Variants in RTN4IP1 observed in about 807,000 individuals in gnomAD.
The protein encoded by RTN4IP1 is NAD(P)H oxidoreductase RTN4IP1, mitochondrial.
A neutral mutation model predicts 46.6 loss-of-function variants in RTN4IP1; 32 were observed. The ratio of observed to expected loss-of-function variants is 0.69; its 90% confidence interval spans 0.52 to 0.92. The LOEUF is 0.92. Among genes scored for constraint, RTN4IP1 ranks in the 40% least tolerant of loss-of-function variants. RTN4IP1 has a pLI of 0.00. For synonymous variants in RTN4IP1, 167 were observed against 161.8 expected, an observed-to-expected ratio of 1.03 and a Z score of -0.24; for missense variants, 424 against 485.8, an observed-to-expected ratio of 0.87 and a Z score of 1.20.
intron 3 of RTN4IP1, among the ~76,000 whole-genome samples, chr6:106,619,854 G>A (rs1042613981): frequency 5.9e-5 from 9 of 151,566 alleles, no homozygotes; most frequent in Admixed American, 1.3e-4. Context: ...CTCGTGATCC[G>A]CCCGCCTCGG....
intron 8 of RTN4IP1, among the ~76,000 whole-genome samples, chr6:106,574,812 T>C (rs980170422): frequency 6.6e-6 from 1 of 152,190 alleles, no homozygotes; most frequent in Non-Finnish European, 1.5e-5. Context: ...ATGTTCAATT[T>C]AGAGCTCTGA....
intron 4 of RTN4IP1, among the ~76,000 whole-genome samples, chr6:106,611,550 T>G (rs1776225731): frequency 6.6e-6 from 1 of 152,190 alleles, no homozygotes; most frequent in Non-Finnish European, 1.5e-5. Flanking sequence ...ACTACTTTTT[T>G]TCTCAGCCTT....
At chr6:106,579,210 T>C (rs1351052485) in intron 8 of RTN4IP1, among the ~76,000 whole-genome samples, 1 of 150,788 alleles carries the variant, frequency 6.6e-6, no homozygotes, top group Non-Finnish European at 1.5e-5. Flanking sequence ...CACTCCAGCA[T>C]GGTGACAGAG....
intron 1 of RTN4IP1, among the ~76,000 whole-genome samples, chr6:106,624,726 T>C (rs1195595572): frequency 4.6e-5 from 7 of 151,014 alleles, no homozygotes; most frequent in East Asian, 2.0e-4. Flanking sequence ...GGTGGGAGGA[T>C]TGCTTGAGTT....
At chr6:106,583,130 T>C (rs1775408090) in intron 8 of RTN4IP1, among the ~76,000 whole-genome samples, 198 bp downstream of exon 8, 2 of 152,174 alleles carry the variant, frequency 1.3e-5, no homozygotes, top group South Asian at 2.1e-4. Context: ...CTTGTGCAGA[T>C]GGAGCAGTCT....
intron 4 of RTN4IP1, chr6:106,607,912 T>A (rs1297181559): frequency 6.6e-6 from 1 of 152,216 alleles, no homozygotes; most frequent in Non-Finnish European, 1.5e-5. Flanking sequence ...ATAGCCAATA[T>A]GGAAAACGGT....
chr6:106,572,558 G>T, intron 8 of RTN4IP1: 1 of 165,728 alleles, frequency 6.0e-6, no homozygotes, highest in Admixed American at 5.8e-5. Flanking sequence ...TTCCCGCCCA[G>T]GTCTCACACT....
At chr6:106,610,861 G>A (rs1357756849) in intron 4 of RTN4IP1, among the ~76,000 whole-genome samples, 2 of 152,018 alleles carry the variant, frequency 1.3e-5, no homozygotes, top group Non-Finnish European at 2.9e-5. Flanking sequence ...AATCTAACTT[G>A]CTCTGTCCTT....
intron 8 of RTN4IP1, among the ~76,000 whole-genome samples, chr6:106,581,536 T>C (rs1314090922): frequency 6.6e-6 from 1 of 152,164 alleles, no homozygotes; most frequent in Non-Finnish European, 1.5e-5. Context: ...CAGTGCCACA[T>C]ACCAACTTCA....
chr6:106,623,002 T>C (rs1776526384), intron 1 of RTN4IP1, 33 bp from the exon 2 acceptor site: 2 of 1,607,144 alleles, frequency 1.2e-6, no homozygotes, highest in South Asian at 1.1e-5. Flanking sequence ...TTCCTCCAAA[T>C]GTAAGTATGA....
In RTN4IP1 at chr6:106,629,320, T is replaced by A; in HGVS notation, c.-299A>T. On this transcript the variant is annotated 5_prime_UTR_variant, in exon 1 of 9. Coordinates refer to ENST00000369063, the MANE Select transcript of RTN4IP1 (RefSeq NM_032730.5). ...AAAAAAAAAAGGGGGGGCGGGGCATTAAAAAGCAGGTGCGCAAACCCCCTA... is the reference window on the plus strand; with the variant it reads ...AAAAAAAAAAGGGGGGGCGGGGCATAAAAAAGCAGGTGCGCAAACCCCCTA... 1 of 528,394 alleles carries A rather than the reference T, an allele frequency of 1.9e-6. No individual in the cohort carries two copies. The highest frequency in any genetic ancestry group is 3.3e-6 in the Non-Finnish European group (1 of 299,602). 32.7% of individuals were successfully genotyped at this position (528,394 alleles called of 1,614,324 possible). A position where few individuals can be genotyped will look rare whatever the true frequency, so the allele number is the denominator to read the frequency against.
intron 4 of RTN4IP1, among the ~76,000 whole-genome samples, chr6:106,613,526 A>G (rs1776280705): frequency 6.6e-6 from 1 of 152,236 alleles, no homozygotes; most frequent in Non-Finnish European, 1.5e-5. Context: ...ACTAATCAGG[A>G]TTGTTCATTA....
At chr6:106,630,165 G>A (rs1056626486), upstream of RTN4IP1, among the ~76,000 whole-genome samples, 1 of 152,188 alleles carries the variant, frequency 6.6e-6, no homozygotes, top group Non-Finnish European at 1.5e-5. Context: ...CTACCACTAA[G>A]ATACCAGTGA....
At chr6:106,619,972 T>C (rs1195910785) in intron 3 of RTN4IP1, among the ~76,000 whole-genome samples, 2 of 152,172 alleles carry the variant, frequency 1.3e-5, no homozygotes, top group Non-Finnish European at 1.5e-5. Flanking sequence ...GTATATAATA[T>C]ACATAACATA....
intron 5 of RTN4IP1, among the ~76,000 whole-genome samples, chr6:106,598,715 T>C (rs1263266647): frequency 1.3e-5 from 2 of 151,706 alleles, no homozygotes; most frequent in Middle Eastern, 3.2e-3. Flanking sequence ...ATCCCATTTG[T>C]CAATTTTGTC....
chr6:106,629,332 G>T lies in RTN4IP1; in HGVS notation c.-311C>A. On this transcript the variant is annotated 5_prime_UTR_variant, in exon 1 of 9. Coordinates refer to ENST00000369063, the MANE Select transcript of RTN4IP1 (RefSeq NM_032730.5). ...GGGGGCGGGGCATTAAAAAGCAGGT[G>T]CGCAAACCCCCTAGATCCCTGCCCT... is the stretch of plus-strand genomic sequence containing the variant. The T allele has an allele frequency of 1.9e-6, 1 of 534,160 alleles. No individual in the cohort carries two copies. The highest frequency in any genetic ancestry group is 3.3e-6 in the Non-Finnish European group (1 of 301,908). 33.1% of individuals were successfully genotyped at this position (534,160 alleles called of 1,614,324 possible).
intron 5 of RTN4IP1, among the ~76,000 whole-genome samples, chr6:106,599,963 C>T (rs556870937): frequency 5.7e-4 from 87 of 151,706 alleles, no homozygotes; most frequent in Non-Finnish European, 9.3e-4. Flanking sequence ...TTCTTTTTGC[C>T]TCTCTCCCTC....
chr6:106,608,465 CA>C (rs1776140424), intron 4 of RTN4IP1, among the ~76,000 whole-genome samples: 1 of 152,078 alleles, frequency 6.6e-6, no homozygotes, highest in Non-Finnish European at 1.5e-5. Context: ...TGTATACTTT[CA>C]AAAAACTAAA....
At chr6:106,623,967 T>C (rs927081319) in intron 1 of RTN4IP1, among the ~76,000 whole-genome samples, 4 of 152,378 alleles carry the variant, frequency 2.6e-5, no homozygotes, top group Non-Finnish European at 4.4e-5. Context: ...ACAACATCTT[T>C]GAAATAAATT....
Sources: gnomAD v4.1 joint callset for allele counts (sites outside exome capture counted in the v4.1 genomes callset) on GRCh38, gnomAD v4.1.1 for gene constraint, MANE v1.5 for transcripts, NCBI Gene and HGNC (gene_info 2026-07-23, HGNC 2026-07-21) for gene names.